VWA3B: variants seen among roughly 807,000 people sequenced by gnomAD.
VWA3B encodes the protein von Willebrand factor A domain containing 3B.
In VWA3B, 138 loss-of-function variants were observed where a neutral mutation model predicts 158.3. The ratio of observed to expected loss-of-function variants is 0.87; its 90% CI spans 0.76 to 1.00. The LOEUF (loss-of-function observed/expected upper bound fraction) is 1.00. Among genes scored for constraint, VWA3B ranks in the 50% least tolerant of loss-of-function variants. VWA3B has a pLI of 0.00. For missense variants in VWA3B, 1,555 were observed against 1,565.1 expected (o/e 0.99, Z 0.11); for synonymous variants, 596 against 587.3 (o/e 1.01, Z -0.21).
intron 12 of VWA3B, among the ~76,000 whole-genome samples, chr2:98,201,785 G>A (rs1195087008): frequency 6.6e-6 from 1 of 152,144 alleles, no homozygotes; most frequent in African/African-American, 2.4e-5. Context: ...GTTGTACTTG[G>A]CAGATCTGTT....
At chr2:98,246,956 G>A (rs914386585) in intron 19 of VWA3B, among the ~76,000 whole-genome samples, 52 of 151,720 alleles carry the variant, frequency 3.4e-4, no homozygotes, top group African/African-American at 1.1e-3. Flanking sequence ...ATCACTGCTT[G>A]TATTTCTATT....
At chr2:98,229,371 C>T (rs1014213600) in intron 15 of VWA3B, among the ~76,000 whole-genome samples, 1 of 152,212 alleles carries the variant, frequency 6.6e-6, no homozygotes, top group Non-Finnish European at 1.5e-5. Flanking sequence ...GGCAGGTGCT[C>T]CACGGAGGCG....
chr2:98,255,991 T>C, intron 20 of VWA3B, 133 bp from the exon 21 acceptor site: 1 of 921,164 alleles, frequency 1.1e-6, no homozygotes, highest in Non-Finnish European at 1.7e-6. Flanking sequence ...CCAGTGTCTT[T>C]AAGCACATGA....
intron 13 of VWA3B, among the ~76,000 whole-genome samples, 184 bp from the exon 14 acceptor site, chr2:98,217,662 C>T (rs1371774464): frequency 6.6e-6 from 1 of 152,196 alleles, no homozygotes; most frequent in Non-Finnish European, 1.5e-5. Flanking sequence ...TCATTGTACT[C>T]TCACCATCTG....
chr2:98,178,199 T>G (rs572043686), intron 8 of VWA3B, among the ~76,000 whole-genome samples: 22 of 152,238 alleles, frequency 1.4e-4, no homozygotes, highest in African/African-American at 5.3e-4. Flanking sequence ...GCCTCTGGCT[T>G]GAGCTCCCGG....
chr2:98,181,355 G>A, intron 9 of VWA3B, 143 bp downstream of exon 9: 1 of 857,206 alleles, frequency 1.2e-6, no homozygotes, highest in Non-Finnish European at 1.8e-6. Flanking sequence ...GGGTTCCTCT[G>A]TTTCCCTCCT....
At chr2:98,095,568 A>G (rs1682653321) in intron 2 of VWA3B, among the ~76,000 whole-genome samples, 1 of 152,236 alleles carries the variant, frequency 6.6e-6, no homozygotes, top group Non-Finnish European at 1.5e-5. Context: ...ATCTGCAAAT[A>G]GGGACAATTT....
chr2:98,245,484 C>A, intron 19 of VWA3B: 1 of 450,628 alleles, frequency 2.2e-6, no homozygotes, highest in South Asian at 1.6e-5. Context: ...TTATCTTTCC[C>A]TGGATCTGCA....
chr2:98,171,763 G>C (rs1016687945), intron 8 of VWA3B, among the ~76,000 whole-genome samples: 14 of 152,170 alleles, frequency 9.2e-5, no homozygotes, highest in African/African-American at 3.4e-4. Context: ...AGAGAATAAA[G>C]ATGTTAGTAC....
intron 14 of VWA3B, 81 bp from the exon 15 acceptor site, chr2:98,228,121 C>A: frequency 6.8e-7 from 1 of 1,466,820 alleles, no homozygotes; most frequent in Non-Finnish European, 9.1e-7. Context: ...AACCTCTTGT[C>A]TCTAAAAAGA....
At chr2:98,187,423 T>A (rs1359359544) in intron 9 of VWA3B, among the ~76,000 whole-genome samples, 3 of 151,904 alleles carry the variant, frequency 2.0e-5, no homozygotes, top group African/African-American at 7.3e-5. Flanking sequence ...TCGCTCCGTC[T>A]GTCTCAGTGG....
At chr2:98,297,719 C>T (rs1218875399) in intron 23 of VWA3B, among the ~76,000 whole-genome samples, 188 bp from the exon 24 acceptor site, 2 of 152,112 alleles carry the variant, frequency 1.3e-5, no homozygotes, top group Admixed American at 6.5e-5. Flanking sequence ...GGCATGTGCA[C>T]CACTTTGAAT....
rs1674801959 is a variant in VWA3B, at chr2:98,119,638, A to T, written c.417A>T (p.Glu139Asp). ...GGCAGATTTTTGGTGTCATCTTGGAACAGTGCGTCACCATAGTGCTGGATT... is the reference window on the plus strand; with the variant it reads ...GGCAGATTTTTGGTGTCATCTTGGATCAGTGCGTCACCATAGTGCTGGATT... ...KSRQIFGVILEQCVTIVLDFG... is the reference protein window; with the variant it reads ...KSRQIFGVILDQCVTIVLDFG... Residue 139 changes from glutamate to aspartate, a missense_variant, in exon 4 of 28, where the codon GAA becomes GAT. Coordinates refer to ENST00000477737, the MANE Select transcript of VWA3B (RefSeq NM_144992.5). 1.2e-6 allele frequency: 2 copies of T among 1,613,942 alleles called. No homozygotes were observed. Among genetic ancestry groups the T allele is most frequent in the South Asian group, 2.2e-5 (2 of 91,080 alleles).
chr2:98,222,151 C>T (rs576687330), intron 14 of VWA3B, among the ~76,000 whole-genome samples: 1 of 152,144 alleles, frequency 6.6e-6, no homozygotes, highest in Non-Finnish European at 1.5e-5. Flanking sequence ...ATCGACGAGA[C>T]TGAAGGAGGT....
chr2:98,168,201 CTG>C (rs762326439), intron 8 of VWA3B, among the ~76,000 whole-genome samples: 34 of 152,150 alleles, frequency 2.2e-4, no homozygotes, highest in Middle Eastern at 3.2e-3. Flanking sequence ...AGAGTTATAA[CTG>C]TATTCCATAT....
At chr2:98,238,336 A>T (rs1685840470) in intron 19 of VWA3B, among the ~76,000 whole-genome samples, 1 of 152,096 alleles carries the variant, frequency 6.6e-6, no homozygotes, top group South Asian at 2.1e-4. Context: ...TCAGATGTCA[A>T]CTCACCACTT....
At chr2:98,112,301 T>G (rs11504904) in intron 2 of VWA3B, among the ~76,000 whole-genome samples, 5,281 of 137,236 alleles carry the variant, frequency 0.038, 91 homozygotes, top group East Asian at 0.089. Flanking sequence ...TGTGTGTGTG[T>G]GGGTGTGTGT....
chr2:98,219,497 T>C (rs1684304896), intron 14 of VWA3B, among the ~76,000 whole-genome samples: 1 of 150,506 alleles, frequency 6.6e-6, no homozygotes. Context: ...CGTGGAAAAA[T>C]CCGATCAGTC....
At chr2:98,267,971 T>C (rs1207153796) in intron 21 of VWA3B, among the ~76,000 whole-genome samples, 1 of 151,744 alleles carries the variant, frequency 6.6e-6, no homozygotes, top group African/African-American at 2.4e-5. Context: ...ACACATACAC[T>C]CTCCCAAGAC....
Sources: gnomAD v4.1 joint callset for allele counts (sites outside exome capture counted in the v4.1 genomes callset) on GRCh38, gnomAD v4.1.1 for gene constraint, MANE v1.5 for transcripts, NCBI Gene and HGNC (gene_info 2026-07-23, HGNC 2026-07-21) for gene names.